ADGRF1: variants seen among roughly 807,000 people sequenced by gnomAD.
The protein encoded by ADGRF1 is G protein-coupled receptor 110.
In ADGRF1, 85 loss-of-function variants were observed where a neutral mutation model predicts 87.2. That is an observed-to-expected ratio of 0.97 (90% confidence interval 0.82 to 1.17). The LOEUF (loss-of-function observed/expected upper bound fraction) is 1.17, where lower values mean the gene tolerates loss of function less well. Ranked by LOEUF, ADGRF1 falls within the 50% of genes most tolerant of loss-of-function variation. The probability of loss-of-function intolerance (pLI) is 0.00; values close to 1 mark genes in which losing one functional copy is unlikely to be tolerated. For missense variants in ADGRF1, 1,169 were observed against 1,077.2 expected, an observed-to-expected ratio of 1.09 and a Z score of -1.19; for synonymous variants, 430 against 408.8, an observed-to-expected ratio of 1.05 and a Z score of -0.63.
At chr6:47,006,818 G>T (rs1289098625) in intron 12 of ADGRF1, among the ~76,000 whole-genome samples, 1 of 152,042 alleles carries the variant, frequency 6.6e-6, no homozygotes, top group African/African-American at 2.4e-5. Context: ...TAGAATAATA[G>T]TCTGTGAGAG....
intron 9 of ADGRF1, 128 bp from the exon 10 acceptor site, chr6:47,012,323 A>G: frequency 7.0e-7 from 1 of 1,425,988 alleles, no homozygotes; most frequent in African/African-American, 1.4e-5. Context: ...TAATTACATA[A>G]CAATAGTAAC....
chr6:47,026,344 G>A (rs1047874222), intron 3 of ADGRF1, among the ~76,000 whole-genome samples: 13 of 152,066 alleles, frequency 8.5e-5, no homozygotes, highest in Admixed American at 1.3e-4. Context: ...AGGGGGAAGA[G>A]GTGAGGAAAT....
intron 1 of ADGRF1, among the ~76,000 whole-genome samples, chr6:47,036,860 A>T (rs917800488): frequency 5.3e-5 from 8 of 152,154 alleles, no homozygotes; most frequent in Admixed American, 5.2e-4. Flanking sequence ...AGAAACCATC[A>T]AGATTCTACA....
In ADGRF1 at chr6:46,998,494, A is replaced by C. The variant is rs1779271432; in HGVS notation, c.*1728T>G. 6.6e-6 allele frequency: 1 copy of C among 152,200 alleles called. No homozygotes were observed. The highest frequency in any genetic ancestry group is 6.6e-5 in the Admixed American group (1 of 15,260). 9.4% of individuals were successfully genotyped at this position (152,200 alleles called of 1,614,324 possible). A position where few individuals can be genotyped will look rare whatever the true frequency, so the allele number is the denominator to read the frequency against. On this transcript the variant is annotated 3_prime_UTR_variant, in exon 15 of 15. Coordinates refer to ENST00000371253, the MANE Select transcript of ADGRF1 (RefSeq NM_153840.4). Reference sequence around the variant, plus strand: ...TGGTTCATGGGAAACACACACATCCATTGCCCTGACAAACACTAGACATAC... The same window carrying C: ...TGGTTCATGGGAAACACACACATCCCTTGCCCTGACAAACACTAGACATAC...
chr6:47,025,968 T>TCA lies in ADGRF1; in HGVS notation c.161_162dup (p.Thr55Ter). 1 of 1,608,180 alleles carries TCA rather than the reference T, an allele frequency of 6.2e-7. No homozygotes were observed. Among genetic ancestry groups the TCA allele is most frequent in the Non-Finnish European group, 8.5e-7 (1 of 1,177,140 alleles). ...CTTTTCTCCTTGGAATCTCTATAGG[T>TCA]CACCTGAAGCAGCAGCTGATATTCT... On this transcript the variant is annotated frameshift_variant, in exon 4 of 15. Transcript: ENST00000371253. LOFTEE classifies it high-confidence loss of function.
chr6:47,008,441 C>T (rs552993575), intron 11 of ADGRF1, among the ~76,000 whole-genome samples: 1 of 152,364 alleles, frequency 6.6e-6, no homozygotes, highest in South Asian at 2.1e-4. Flanking sequence ...AACTACTCAA[C>T]TCTGCCATTG....
chr6:47,015,551 CA>C (rs1561871064), intron 8 of ADGRF1, among the ~76,000 whole-genome samples: 1 of 150,516 alleles, frequency 6.6e-6, no homozygotes, highest in African/African-American at 2.5e-5. Context: ...CCTGGGAGTA[CA>C]GGTGCACACC....
intron 9 of ADGRF1, 74 bp downstream of exon 9, chr6:47,014,607 T>C (rs192071203): frequency 1.9e-6 from 3 of 1,562,520 alleles, no homozygotes; most frequent in East Asian, 4.5e-5. Context: ...ACCCTCCACC[T>C]AGCCATGCTC....
chr6:47,025,360 G>A (rs1330772968), intron 4 of ADGRF1, among the ~76,000 whole-genome samples: 1 of 152,146 alleles, frequency 6.6e-6, no homozygotes, highest in Non-Finnish European at 1.5e-5. Context: ...CTGGCCTGGG[G>A]ACCATGCTTT....
In ADGRF1 at chr6:47,018,643, G is replaced by T. The variant is rs146204631; in HGVS notation, c.612-1875C>A. 3.0e-4 allele frequency: 382 copies of T among 1,273,290 alleles called. 3 individuals carry two copies. The East Asian group carries it at 0.017, about 58-fold the overall frequency. The allele number at this position is 1,273,290 out of a possible 1,614,324, so 78.9% of individuals were successfully genotyped here. A position where few individuals can be genotyped will look rare whatever the true frequency, so the allele number is the denominator to read the frequency against. ...AGATTTATTTTAATCTGGGCATGGT[G>T]ACTCATGCCTGTAATCCCAGCACTT... On this transcript the variant is annotated intron_variant, in intron 7 of 14. Coordinates refer to ENST00000371253, the MANE Select transcript of ADGRF1 (RefSeq NM_153840.4).
At chr6:47,038,627 T>A (rs74963974) in intron 1 of ADGRF1, among the ~76,000 whole-genome samples, 7,669 of 152,294 alleles carry the variant, frequency 0.05, 265 homozygotes, top group Middle Eastern at 0.14. Flanking sequence ...TATTTGAAAC[T>A]ATATATTATT....
intron 1 of ADGRF1, among the ~76,000 whole-genome samples, chr6:47,030,946 C>T (rs987262569): frequency 4.6e-5 from 7 of 151,834 alleles, no homozygotes; most frequent in African/African-American, 7.3e-5. Context: ...TATTTTTAGT[C>T]GAGATGGGAT....
chr6:47,025,957 ATCTCTATAGG>A lies in ADGRF1; in HGVS notation c.164_173del (p.Thr55IlefsTer8). The stretch of plus-strand genomic sequence containing the variant: ...TTCTCAAATCTCTTTTCTCCTTGGA[ATCTCTATAGG>A]TCACCTGAAGCAGCAGCTGATATTC... On this transcript the variant is annotated frameshift_variant, in exon 4 of 15. Transcript: ENST00000371253. LOFTEE classifies it high-confidence loss of function. The A allele has an allele frequency of 6.2e-7, 1 of 1,611,714 alleles. No homozygotes were observed. The highest frequency in any genetic ancestry group is 8.5e-7 in the Non-Finnish European group (1 of 1,179,362).
At chr6:47,008,821 G>T in intron 11 of ADGRF1, 124 bp downstream of exon 11, 1 of 806,220 alleles carries the variant, frequency 1.2e-6, no homozygotes, top group Non-Finnish European at 2.0e-6. Flanking sequence ...TTTCCATGCA[G>T]TTTTTCTGAT....
intron 6 of ADGRF1, 24 bp from the exon 7 acceptor site, chr6:47,020,813 T>C (rs369328597): frequency 1.3e-6 from 2 of 1,589,812 alleles, no homozygotes; most frequent in South Asian, 1.1e-5. Flanking sequence ...CAAAGAACAA[T>C]GTGTTAATTG....
At chr6:47,002,832 T>C (rs1031156875) in intron 13 of ADGRF1, among the ~76,000 whole-genome samples, 3 of 152,130 alleles carry the variant, frequency 2.0e-5, no homozygotes, top group African/African-American at 7.2e-5. Flanking sequence ...TTGGGGTCCA[T>C]ACAGTGTGCT....
intron 11 of ADGRF1, 152 bp from the exon 12 acceptor site, chr6:47,007,446 C>T (rs1779564417): frequency 1.8e-6 from 1 of 542,544 alleles, no homozygotes; most frequent in Non-Finnish European, 3.3e-6. Flanking sequence ...AGCAAGAACA[C>T]CATGTGGCCT....
At chr6:47,000,923 C>CTTGCAATGTTTAAACACTGGTCTTGCAG (rs1446428878) in intron 14 of ADGRF1, among the ~76,000 whole-genome samples, 1 of 152,236 alleles carries the variant, frequency 6.6e-6, no homozygotes, top group East Asian at 1.9e-4. Context: ...GCTGTGGCTA[C>CTTGCAATGTTTAAACACTGGTCTTGCAG]TTGCAATGTT....
chr6:47,009,064 TCCCCAC>T lies in ADGRF1; in HGVS notation c.2365_2370del (p.Val789_Gly790del). ...AGAGGGGTCAGAATGAGGAGGCTCT[TCCCCAC>T]GCGGATGATGGTGGCCTTGTCATCC... On this transcript the variant is annotated inframe_deletion, in exon 11 of 15. Transcript: ENST00000371253. The T allele has an allele frequency of 1.9e-6, 3 of 1,614,068 alleles. No individual in the cohort carries two copies. Among genetic ancestry groups the T allele is most frequent in the Non-Finnish European group, 2.5e-6 (3 of 1,180,014 alleles).
Sources: gnomAD v4.1 joint callset for allele counts (sites outside exome capture counted in the v4.1 genomes callset) on GRCh38, gnomAD v4.1.1 for gene constraint, MANE v1.5 for transcripts, NCBI Gene and HGNC (gene_info 2026-07-23, HGNC 2026-07-21) for gene names.